XCR1: variants seen among roughly 807,000 people sequenced by gnomAD.
The protein encoded by XCR1 is X-C motif chemokine receptor 1, also known as chemokine XC receptor 1.
For synonymous variants in XCR1, 187 were observed against 188.5 expected (o/e 0.99, Z 0.06); for missense variants, 356 against 424.2 (o/e 0.84, Z 1.41).
At chr3:46,064,523 G>A (rs138314086) in intron 4 of XCR1, among the ~76,000 whole-genome samples, 5 of 152,236 alleles carry the variant, frequency 3.3e-5, no homozygotes, top group Non-Finnish European at 5.9e-5. Flanking sequence ...ATCCCTCATT[G>A]ACTTGCTTGA....
At chr3:46,044,366 A>G (rs1320900261) in intron 5 of XCR1, among the ~76,000 whole-genome samples, 1 of 152,078 alleles carries the variant, frequency 6.6e-6, no homozygotes, top group Admixed American at 6.6e-5. Flanking sequence ...AGCTATTTGT[A>G]TAATATATAT....
At chr3:46,026,748 A>AT (rs1360152895) in intron 1 of XCR1, among the ~76,000 whole-genome samples, 2 of 151,544 alleles carry the variant, frequency 1.3e-5, no homozygotes, top group South Asian at 2.1e-4. Flanking sequence ...ACACCTGGCT[A>AT]TTTTTTTGTA....
intron 5 of XCR1, among the ~76,000 whole-genome samples, chr3:46,045,390 A>G (rs974499220): frequency 8.8e-5 from 13 of 147,290 alleles, no homozygotes; most frequent in African/African-American, 1.5e-4. Flanking sequence ...CCATCTTGGG[A>G]AAAAAAAAAA....
intron 5 of XCR1, among the ~76,000 whole-genome samples, chr3:46,043,717 T>TACACACACACAC (rs144432920): frequency 3.0e-4 from 42 of 141,578 alleles, no homozygotes; most frequent in Admixed American, 8.0e-4. Flanking sequence ...ACCTCATCTC[T>TACACACACACAC]ACACACACAC....
chr3:46,083,394 TTC>T (rs1486284180), intron 1 of XCR1, among the ~76,000 whole-genome samples: 2 of 152,260 alleles, frequency 1.3e-5, no homozygotes, highest in Non-Finnish European at 2.9e-5. Flanking sequence ...TTCGTTACCC[TTC>T]TCTCTATATA....
intron 5 of XCR1, among the ~76,000 whole-genome samples, chr3:46,047,207 C>T (rs1355305034): frequency 2.0e-5 from 3 of 152,054 alleles, no homozygotes; most frequent in East Asian, 1.9e-4. Context: ...TTAGTGTGAC[C>T]AAGGAAACAA....
At chr3:46,027,986 T>C (rs1270868926), upstream of XCR1, among the ~76,000 whole-genome samples, 1 of 152,208 alleles carries the variant, frequency 6.6e-6, no homozygotes, top group East Asian at 1.9e-4. Context: ...TTTACACTAT[T>C]GTACCTCTTC....
At chr3:46,077,365 C>A (rs1698279728) in intron 1 of XCR1, among the ~76,000 whole-genome samples, 2 of 151,928 alleles carry the variant, frequency 1.3e-5, no homozygotes, top group Non-Finnish European at 2.9e-5. Context: ...ACCTAGGTTG[C>A]ATGCTCCTTA....
chr3:46,038,546 A>G (rs907408670), intron 5 of XCR1, among the ~76,000 whole-genome samples: 2 of 152,136 alleles, frequency 1.3e-5, no homozygotes, highest in East Asian at 1.9e-4. Context: ...TTTGTTTCCT[A>G]TGCATTTCTA....
rs1306295780 is a variant in XCR1 at position 46,017,400 on chromosome 3, A to G, written c.*3546T>C. On this transcript the variant is annotated 3_prime_UTR_variant, in exon 2 of 2. Transcript: ENST00000309285. The stretch of plus-strand genomic sequence containing the variant: ...AACAAAGCTTAATTCCAAACAAAAA[A>G]GATGATGTTTAGGCCGGTGGGCCCC... The G allele has an allele frequency of 6.6e-6, 1 of 152,276 alleles. No homozygotes were observed. The highest frequency in any genetic ancestry group is 1.5e-5 in the Non-Finnish European group (1 of 68,054). 9.4% of individuals were successfully genotyped at this position (152,276 alleles called of 1,614,324 possible). A position where few individuals can be genotyped will look rare whatever the true frequency, so the allele number is the denominator to read the frequency against.
chr3:46,078,288 C>G (rs1283454789), intron 1 of XCR1, among the ~76,000 whole-genome samples: 1 of 151,990 alleles, frequency 6.6e-6, no homozygotes, highest in Non-Finnish European at 1.5e-5. Context: ...GAATAACCCC[C>G]TTGGCTCTAC....
Position 46,017,351 on chromosome 3 carries a change from A to C in XCR1, c.*3595T>G, listed in dbSNP as rs1051472060. 2 of 152,256 alleles carry C rather than the reference A, an allele frequency of 1.3e-5. No homozygotes were observed. Among genetic ancestry groups the C allele is most frequent in the African/African-American group, 4.8e-5 (2 of 41,466 alleles). The allele number at this position is 152,256 out of a possible 1,614,324, so 9.4% of individuals were successfully genotyped here. On this transcript the variant is annotated 3_prime_UTR_variant, in exon 2 of 2. Coordinates refer to ENST00000309285, the MANE Select transcript of XCR1 (RefSeq NM_001024644.2). Reference sequence around the variant, plus strand: ...TTTTTGTCCCATCACAGGCATTTGCATAAATGAAACCTGTGAAAAGTTCAA... The same window carrying C: ...TTTTTGTCCCATCACAGGCATTTGCCTAAATGAAACCTGTGAAAAGTTCAA...
chr3:46,074,714 G>T (rs1199808934), exon 3 of XCR1, among the ~76,000 whole-genome samples: 1 of 152,122 alleles, frequency 6.6e-6, no homozygotes, highest in Non-Finnish European at 1.5e-5. Flanking sequence ...ACACTGAGTA[G>T]GCTAAAGGAG....
chr3:46,071,699 G>A (rs1157233296), intron 3 of XCR1, among the ~76,000 whole-genome samples: 1 of 151,966 alleles, frequency 6.6e-6, no homozygotes, highest in African/African-American at 2.4e-5. Context: ...ACAGAACTAA[G>A]GACATAAGCC....
intron 1 of XCR1, among the ~76,000 whole-genome samples, chr3:46,083,387 G>A (rs747564901): frequency 7.2e-5 from 11 of 152,194 alleles, no homozygotes; most frequent in South Asian, 2.1e-4. Context: ...AGGATATTTC[G>A]TTACCCTTCT....
At chr3:46,046,740 G>A (rs1347717491) in intron 5 of XCR1, among the ~76,000 whole-genome samples, 3 of 152,178 alleles carry the variant, frequency 2.0e-5, no homozygotes, top group Non-Finnish European at 2.9e-5. Flanking sequence ...TGTTAATGTG[G>A]TGCTTTAGAT....
intron 5 of XCR1, among the ~76,000 whole-genome samples, chr3:46,050,611 C>A (rs866814750): frequency 1.3e-5 from 2 of 152,100 alleles, no homozygotes; most frequent in Non-Finnish European, 2.9e-5. Context: ...TTTTGAGGCT[C>A]CTTTAATGCT....
chr3:46,048,138 C>T (rs957587494), intron 5 of XCR1, among the ~76,000 whole-genome samples: 16 of 151,992 alleles, frequency 1.1e-4, no homozygotes, highest in Non-Finnish European at 2.2e-4. Context: ...TCCAGTGGAG[C>T]GGTATAATTA....
intron 4 of XCR1, among the ~76,000 whole-genome samples, chr3:46,058,238 T>C (rs2125900534): frequency 6.6e-6 from 1 of 152,340 alleles, no homozygotes; most frequent in East Asian, 1.9e-4. Context: ...CAAATGCTTA[T>C]TAAAGGTAAG....
Sources: gnomAD v4.1 joint callset for allele counts (sites outside exome capture counted in the v4.1 genomes callset) on GRCh38, gnomAD v4.1.1 for gene constraint, MANE v1.5 for transcripts, NCBI Gene and HGNC (gene_info 2026-07-23, HGNC 2026-07-21) for gene names.